FIG4: variants seen among roughly 807,000 people sequenced by gnomAD.
FIG4 encodes the protein FIG4 phosphoinositide 5-phosphatase, also known as polyphosphoinositide phosphatase.
In FIG4, 112 loss-of-function variants were observed where a neutral mutation model predicts 118.6. The ratio of observed to expected loss-of-function variants is 0.94; its 90% CI spans 0.81 to 1.11. The LOEUF is 1.11. Among genes scored for constraint, FIG4 ranks in the 50% least tolerant of loss-of-function variants. FIG4 has a pLI of 0.00. For missense variants in FIG4, 969 were observed against 1,111.7 expected (o/e 0.87, Z 1.83); for synonymous variants, 369 against 381.2 (o/e 0.97, Z 0.37).
intron 3 of FIG4, among the ~76,000 whole-genome samples, chr6:109,724,114 G>C (rs1472712759): frequency 3.3e-5 from 5 of 152,018 alleles, no homozygotes; most frequent in Non-Finnish European, 5.9e-5. Context: ...TTAAGGCGGG[G>C]GGTGGGAGGA....
chr6:109,799,749 C>T lies in FIG4; in HGVS notation c.2546+2898C>T, dbSNP rs554328867. On this transcript the variant is annotated intron_variant, in intron 22 of 22. Transcript: ENST00000230124. ...GTGGAACAGGGGCTCTTGAAATGAG[C>T]GTGCAGAGACATGAATGGGCAGCTG... 3.9e-5 allele frequency among the ~76,000 whole-genome samples: 6 copies of T among 152,254 alleles called. No individual in the cohort carries two copies. In the East Asian group the frequency reaches 5.8e-4, roughly 15 times the overall value.
rs1175493477 is a variant in FIG4, at chr6:109,732,644, C to T, written c.454C>T (p.Arg152Ter). The change falls in exon 5 of 23, where the codon CGA becomes TGA. Residue 152 changes from arginine (R) to a stop codon, truncating the protein, a stop_gained. Transcript: ENST00000230124. LOFTEE classifies it high-confidence loss of function. ...TTGTTTTTTTTTTTTTAGGTATCTA[C>T]GAATATTTCAAAATGTGGACCTATC... Reference protein sequence around the residue: ...VTHPDEARYLRIFQNVDLSSN... With the variant: ...VTHPDEARYL The T allele has an allele frequency of 5.7e-6, 8 of 1,406,568 alleles. No individual in the cohort carries two copies. The highest frequency in any genetic ancestry group is 7.0e-6 in the Non-Finnish European group (7 of 1,005,734). The allele number at this position is 1,406,568 out of a possible 1,614,324, so 87.1% of individuals were successfully genotyped here.
At chr6:109,731,086 C>A (rs1270418133) in intron 4 of FIG4, among the ~76,000 whole-genome samples, 3 of 152,130 alleles carry the variant, frequency 2.0e-5, no homozygotes, top group Admixed American at 2.0e-4. Context: ...AGTAGAGATT[C>A]TGAACCTTAC....
At position 109,825,221 on chromosome 6, in the gene FIG4, G is replaced by T. The variant is rs776183609; in HGVS notation, c.2680G>T (p.Asp894Tyr). ...QGIMQPLGKE[D>Y]SSMYREYIRN... ...TATCATGCAGCCCCTAGGAAAAGAG[G>T]ACTCCTCCATGTACCGAGAGTACAT... Residue 894 changes from aspartate to tyrosine, a missense_variant, in exon 23 of 23, where the codon GAC becomes TAC. Around this residue, in one of 3 missense-constraint regions of FIG4, gnomAD observed 330 missense variants for 348.1 expected, o/e 0.95. Transcript: ENST00000230124. 5 of 1,614,038 alleles carry T rather than the reference G, an allele frequency of 3.1e-6. No individual in the cohort carries two copies. In the South Asian group the frequency reaches 5.5e-5, roughly 18 times the overall value.
chr6:109,787,058 A>AT (rs1241372985), intron 18 of FIG4, among the ~76,000 whole-genome samples: 1 of 151,978 alleles, frequency 6.6e-6, no homozygotes, highest in African/African-American at 2.4e-5. Flanking sequence ...AGCAGTATTC[A>AT]TTTTTTCAGG....
intron 1 of FIG4, among the ~76,000 whole-genome samples, chr6:109,709,448 C>T (rs1775189182): frequency 1.3e-5 from 2 of 152,022 alleles, no homozygotes; most frequent in South Asian, 4.1e-4. Flanking sequence ...TATTTGGGCT[C>T]TTTTTTGGTT....
intron 21 of FIG4, among the ~76,000 whole-genome samples, chr6:109,794,853 A>C (rs1778232904): frequency 6.6e-6 from 1 of 152,174 alleles, no homozygotes; most frequent in African/African-American, 2.4e-5. Flanking sequence ...GAAGCCACAC[A>C]GCTAGAAGTG....
chr6:109,810,291 G>A (rs1778684631), intron 22 of FIG4, among the ~76,000 whole-genome samples: 1 of 152,114 alleles, frequency 6.6e-6, no homozygotes, highest in Non-Finnish European at 1.5e-5. Context: ...AAATTCATTT[G>A]CACAGGTGCC....
chr6:109,710,164 T>C (rs2128380290), intron 1 of FIG4, among the ~76,000 whole-genome samples: 1 of 152,312 alleles, frequency 6.6e-6, no homozygotes, highest in East Asian at 1.9e-4. Context: ...GTTTTTAACA[T>C]GAATGGATGT....
chr6:109,805,344 T>G (rs559752430), intron 22 of FIG4, among the ~76,000 whole-genome samples: 12 of 152,348 alleles, frequency 7.9e-5, no homozygotes, highest in African/African-American at 2.6e-4. Flanking sequence ...TTTCCTGATT[T>G]GCATTTGCCT....
At chr6:109,773,844 A>T (rs547175019) in intron 15 of FIG4, among the ~76,000 whole-genome samples, 27 of 151,738 alleles carry the variant, frequency 1.8e-4, no homozygotes, top group East Asian at 3.9e-4. Flanking sequence ...TTATTTATTT[A>T]TTTTTTCTGT....
intron 17 of FIG4, among the ~76,000 whole-genome samples, chr6:109,785,281 G>A (rs1203821467): frequency 6.6e-6 from 1 of 152,132 alleles, no homozygotes; most frequent in African/African-American, 2.4e-5. Context: ...ATTATTATGT[G>A]TCTGTCAAAT....
At chr6:109,728,142 G>A (rs1485203828) in intron 4 of FIG4, among the ~76,000 whole-genome samples, 1 of 152,158 alleles carries the variant, frequency 6.6e-6, no homozygotes, top group East Asian at 1.9e-4. Flanking sequence ...ACAGATACAT[G>A]CTAAAATACT....
At chr6:109,776,865 C>T in intron 15 of FIG4, 57 bp from the exon 16 acceptor site, 1 of 1,382,684 alleles carries the variant, frequency 7.2e-7, no homozygotes, top group Non-Finnish European at 1.0e-6. Context: ...AAAATATTCT[C>T]TTGAGTTATA....
At chr6:109,778,160 T>A (rs1452189193) in intron 16 of FIG4, among the ~76,000 whole-genome samples, 1 of 152,036 alleles carries the variant, frequency 6.6e-6, no homozygotes, top group Admixed American at 6.6e-5. Context: ...GCCCTAATTT[T>A]GCGCAAAGAT....
intron 15 of FIG4, among the ~76,000 whole-genome samples, chr6:109,773,659 A>G (rs1216737218): frequency 6.6e-6 from 1 of 151,998 alleles, no homozygotes; most frequent in African/African-American, 2.4e-5. Flanking sequence ...GGATGGCTGC[A>G]GGGGTTTGCT....
At chr6:109,795,663 A>G (rs12182240) in intron 21 of FIG4, among the ~76,000 whole-genome samples, 47,406 of 129,502 alleles carry the variant, frequency 0.37, 11,601 homozygotes, top group African/African-American at 0.71. Context: ...GTGCAATGGC[A>G]TGATCTCGGC....
At chr6:109,760,162 C>A in intron 10 of FIG4, 88 bp from the exon 11 acceptor site, 1 of 1,154,184 alleles carries the variant, frequency 8.7e-7, no homozygotes, top group Non-Finnish European at 1.3e-6. Flanking sequence ...ATTTTTTTGT[C>A]TTAGCTTAGC....
chr6:109,817,019 G>A (rs1270984561), intron 22 of FIG4, among the ~76,000 whole-genome samples: 4 of 152,308 alleles, frequency 2.6e-5, no homozygotes, highest in South Asian at 2.1e-4. Flanking sequence ...CCAAAAGGTC[G>A]CCGTATAAAT....
Sources: allele counts gnomAD v4.1 joint callset (sites outside exome capture counted in the v4.1 genomes callset), GRCh38; gene constraint gnomAD v4.1.1; regional missense constraint gnomAD v4.1.1; transcripts MANE v1.5; gene names NCBI Gene and HGNC (gene_info 2026-07-23, HGNC 2026-07-21).